The following RFT1 variants were observed in gnomAD, a reference collection of about 807,000 sequenced individuals.
RFT1 encodes the protein man(5)GlcNAc(2)-PP-dolichol translocation protein RFT1.
RFT1 carries 43 observed loss-of-function variants against 62.2 expected under a neutral mutation model. The ratio of observed to expected loss-of-function variants is 0.69; its 90% CI spans 0.54 to 0.89. RFT1 has a LOEUF of 0.89. RFT1 is among the 40% of genes least tolerant of loss of function. The probability of loss-of-function intolerance (pLI) is 0.00; values close to 1 mark genes in which losing one functional copy is unlikely to be tolerated. For synonymous variants in RFT1, 262 were observed against 264.6 expected (o/e 0.99, Z 0.10); for missense variants, 605 against 649.9 (o/e 0.93, Z 0.75).
At chr3:53,086,245 TC>T (rs924786146), downstream of RFT1, among the ~76,000 whole-genome samples, 11 of 152,214 alleles carry the variant, frequency 7.2e-5, no homozygotes, top group Non-Finnish European at 8.8e-5. Context: ...CTCAGTTACT[TC>T]CTGGACACTC....
chr3:53,110,700 G>T (rs1481743982), intron 7 of RFT1, among the ~76,000 whole-genome samples: 2 of 152,024 alleles, frequency 1.3e-5, no homozygotes, highest in African/African-American at 4.8e-5. Context: ...GTATTAGAAT[G>T]CTAGTATTAT....
chr3:53,105,433 A>G (rs1701440903), intron 9 of RFT1, among the ~76,000 whole-genome samples: 2 of 140,796 alleles, frequency 1.4e-5, no homozygotes, highest in African/African-American at 2.8e-5. Context: ...CCCCAAAAAG[A>G]GTAAGGTCAC....
At position 53,130,341 on chromosome 3, in the gene RFT1, C is replaced by T. The variant is rs1216691902; in HGVS notation, c.60G>A (p.Leu20=). Residue 20 remains leucine, a synonymous_variant, in exon 1 of 13, where the codon CTG becomes CTA. Transcript: ENST00000296292. ...AARLASSGLL[L]QVLFRLITFV... ...GAACCTGAAGGGCAGAGAGTACCTGCAGGAGGAGACCGGAGGAGGCCAGCC... is the reference window on the plus strand; with the variant it reads ...GAACCTGAAGGGCAGAGAGTACCTGTAGGAGGAGACCGGAGGAGGCCAGCC... 1 of 1,568,486 alleles carries T rather than the reference C, an allele frequency of 6.4e-7. No homozygotes were observed. Among genetic ancestry groups the T allele is most frequent in the Non-Finnish European group, 8.6e-7 (1 of 1,157,176 alleles).
chr3:53,123,589 T>A, intron 3 of RFT1, 135 bp downstream of exon 3: 1 of 738,388 alleles, frequency 1.4e-6, no homozygotes, highest in Non-Finnish European at 2.5e-6. Context: ...CGTCTTGTTG[T>A]ATGCCTGCTC....
rs763757116 is a variant in RFT1, at chr3:53,125,958, A to G, written c.100T>C (p.Phe34Leu). Residue 34 changes from phenylalanine to leucine, a missense_variant, in exon 2 of 13, where the codon TTT becomes CTT. Phe to Leu is a conservative substitution (Grantham distance 22). Transcript: ENST00000296292. ...TCCTTTGACAGGAAGCGAAGAATAA[A>G]TGCATTCAAGACAAAGGTGATCAAC... ...FRLITFVLNAFILRFLSKEIV... is the reference protein window; with the variant it reads ...FRLITFVLNALILRFLSKEIV... 2.5e-6 allele frequency: 4 copies of G among 1,613,812 alleles called. No individual in the cohort carries two copies. In the South Asian group the frequency reaches 4.4e-5, roughly 18 times the overall value.
At chr3:53,114,996 T>C (rs894566774) in intron 6 of RFT1, among the ~76,000 whole-genome samples, 1 of 152,058 alleles carries the variant, frequency 6.6e-6, no homozygotes, top group African/African-American at 2.4e-5. Context: ...CTCCTTCCTC[T>C]CCCTCTTGCT....
Position 53,105,722 on chromosome 3 carries a change from A to G in RFT1, c.908T>C (p.Phe303Ser). ...TCCCCTCTCCAGCACCTTAGCAAAA[A>G]ATATATAAAAACTTTCCTCTATTGG... The part of the protein sequence containing the change: ...FQPIEESFYI[F>S]FAKVLERGKD... The change falls in exon 9 of 13, where the codon TTT becomes TCT. Residue 303 changes from phenylalanine (F) to serine (S), a missense_variant. Physicochemically the swap from Phe to Ser is radical, Grantham distance 155 (BLOSUM62 -2). Coordinates refer to ENST00000296292, the MANE Select transcript of RFT1 (RefSeq NM_052859.4). 1 of 1,613,874 alleles carries G rather than the reference A, an allele frequency of 6.2e-7. No individual in the cohort carries two copies. Among genetic ancestry groups the G allele is most frequent in the Non-Finnish European group, 8.5e-7 (1 of 1,179,892 alleles).
At chr3:53,070,393 G>GTTTTT in the RFT1 span, among the ~76,000 whole-genome samples, 14,560 of 85,244 alleles carry the variant, frequency 0.17, 2,927 homozygotes, top group Non-Finnish European at 0.24. Flanking sequence ...CTGTATTATG[G>GTTTTT]TTTTTTTTTT....
chr3:53,110,809 A>C (rs1364091387), intron 7 of RFT1, among the ~76,000 whole-genome samples: 1 of 152,230 alleles, frequency 6.6e-6, no homozygotes, highest in Non-Finnish European at 1.5e-5. Context: ...AGGTATATGG[A>C]TATGAAATAT....
Position 53,125,977 on chromosome 3 carries a change from G to T in RFT1, c.81C>A (p.Ile27=). 6.2e-7 allele frequency: 1 copy of T among 1,613,438 alleles called. No individual in the cohort carries two copies. The highest frequency in any genetic ancestry group is 1.1e-5 in the South Asian group (1 of 90,970). The change falls in exon 2 of 13, where the codon ATC becomes ATA. Residue 27 remains isoleucine, a synonymous_variant. Transcript: ENST00000296292. The part of the protein sequence containing the change: ...GLLLQVLFRL[I]TFVLNAFILR... ...GAATAAATGCATTCAAGACAAAGGT[G>T]ATCAACCGAAACAACACCTATAGAA... is the stretch of plus-strand genomic sequence containing the variant.
At chr3:53,070,393 G>GTTTTTTTTTTTTTT in the RFT1 span, among the ~76,000 whole-genome samples, 1 of 85,466 alleles carries the variant, frequency 1.2e-5, no homozygotes, top group African/African-American at 4.6e-5. Flanking sequence ...CTGTATTATG[G>GTTTTTTTTTTTTTT]TTTTTTTTTT....
chr3:53,079,168 A>G, the RFT1 span, among the ~76,000 whole-genome samples: 1 of 152,362 alleles, frequency 6.6e-6, no homozygotes, highest in East Asian at 1.9e-4. Flanking sequence ...AGACGCTGAT[A>G]GAAATGAGGG....
intron 1 of RFT1, among the ~76,000 whole-genome samples, chr3:53,129,559 G>C (rs1006254070): frequency 6.6e-6 from 1 of 152,130 alleles, no homozygotes; most frequent in South Asian, 2.1e-4. Context: ...GTGAGACAGA[G>C]AGATACTGAG....
chr3:53,067,661 G>A, the RFT1 span, among the ~76,000 whole-genome samples: 1 of 152,206 alleles, frequency 6.6e-6, no homozygotes, highest in African/African-American at 2.4e-5. Flanking sequence ...CTCAGTAAGA[G>A]AATAAGCCTC....
intron 7 of RFT1, among the ~76,000 whole-genome samples, chr3:53,110,664 A>T (rs934155938): frequency 6.6e-6 from 1 of 152,200 alleles, no homozygotes; most frequent in Non-Finnish European, 1.5e-5. Flanking sequence ...ATGGGGGGGA[A>T]ATAAAATAAC....
At chr3:53,085,816 ACTGCG>A (rs1230715973), downstream of RFT1, 1 of 152,240 alleles carries the variant, frequency 6.6e-6, no homozygotes, top group Non-Finnish European at 1.5e-5. Flanking sequence ...TGAAGAATCG[ACTGCG>A]CTGGAACAAG....
the RFT1 span, among the ~76,000 whole-genome samples, chr3:53,076,784 C>T: frequency 6.6e-6 from 1 of 152,014 alleles, no homozygotes; most frequent in African/African-American, 2.4e-5. Flanking sequence ...GACCCCATCT[C>T]TACAAATCAT....
intron 4 of RFT1, 146 bp downstream of exon 4, chr3:53,122,227 CT>C: frequency 1.2e-6 from 1 of 804,948 alleles, no homozygotes; most frequent in Non-Finnish European, 2.1e-6. Context: ...AGTGTAAGAA[CT>C]TAACTGACCA....
At chr3:53,128,277 AAC>A (rs1702167301) in intron 1 of RFT1, among the ~76,000 whole-genome samples, 1 of 152,178 alleles carries the variant, frequency 6.6e-6, no homozygotes, top group African/African-American at 2.4e-5. Flanking sequence ...CAGCCTGAGC[AAC>A]AGAGTGAGAC....
Sources: gnomAD v4.1 joint callset for allele counts (sites outside exome capture counted in the v4.1 genomes callset) on GRCh38, gnomAD v4.1.1 for gene constraint, MANE v1.5 for transcripts, NCBI Gene and HGNC (gene_info 2026-07-23, HGNC 2026-07-21) for gene names.